INTS2: variants seen among roughly 807,000 people sequenced by gnomAD.
The protein encoded by INTS2 is KIAA1287.
In INTS2, 57 loss-of-function variants were observed where a neutral mutation model predicts 139.6. That is an observed-to-expected ratio of 0.41 (90% CI 0.33 to 0.51). The LOEUF (loss-of-function observed/expected upper bound fraction) is 0.51. Among genes scored for constraint, INTS2 ranks in the 20% least tolerant of loss-of-function variants. The probability of loss-of-function intolerance (pLI) is 0.28; values close to 1 mark genes in which losing one functional copy is unlikely to be tolerated. For synonymous variants in INTS2, 473 were observed against 493.4 expected, an observed-to-expected ratio of 0.96 and a Z score of 0.55; for missense variants, 1,196 against 1,436.7, an observed-to-expected ratio of 0.83 and a Z score of 2.71.
chr17:61,898,022 T>C (rs1490588008), intron 9 of INTS2, among the ~76,000 whole-genome samples: 1 of 152,116 alleles, frequency 6.6e-6, no homozygotes, highest in Non-Finnish European at 1.5e-5. Context: ...TCACATTCCT[T>C]AGAAAACAAA....
At position 61,870,800 on chromosome 17, in the gene INTS2, TA is replaced by T. The variant is rs1418945054; in HGVS notation, c.2779-813del. On this transcript the variant is annotated intron_variant, in intron 20 of 24. Coordinates refer to ENST00000251334, the MANE Select transcript of INTS2 (RefSeq NM_001351695.2). The surrounding 1 kb of genome is among the most constrained non-coding windows in gnomAD (Gnocchi z 4.4). The stretch of plus-strand genomic sequence containing the variant: ...AGGAGTTTTTGGTTATTGTTATTGT[TA>T]TTGTTTTGTTTTCTTTTGTTGTTGT... Among the ~76,000 whole-genome samples the T allele has an allele frequency of 6.6e-6, 1 of 152,132 alleles. No individual in the cohort carries two copies. The highest frequency in any genetic ancestry group is 1.5e-5 in the Non-Finnish European group (1 of 68,006).
chr17:61,895,517 G>A (rs2079338359), intron 11 of INTS2, 134 bp from the exon 12 acceptor site: 1 of 505,316 alleles, frequency 2.0e-6, no homozygotes, highest in Non-Finnish European at 3.5e-6. Context: ...TTTTAGAAGT[G>A]CTTTCCCAAA....
intron 4 of INTS2, among the ~76,000 whole-genome samples, chr17:61,919,925 C>T (rs2079621845): frequency 6.6e-6 from 1 of 152,088 alleles, no homozygotes; most frequent in Admixed American, 6.6e-5. Flanking sequence ...TATTAAATAT[C>T]TTTTGACATT....
Position 61,868,753 on chromosome 17 carries a change from T to C in INTS2, c.3244+281A>G, listed in dbSNP as rs1350604585. On this transcript the variant is annotated intron_variant, in intron 23 of 24. Transcript: ENST00000251334. The surrounding 1 kb of genome is among the most constrained non-coding windows in gnomAD (Gnocchi z 4.7). Reference sequence around the variant, plus strand: ...GTGTATTTGTTTTCCATTTATAAAATACAGAAAGCTTATATTTACAAATCT... The same window carrying C: ...GTGTATTTGTTTTCCATTTATAAAACACAGAAAGCTTATATTTACAAATCT... Among the ~76,000 whole-genome samples the C allele has an allele frequency of 1.3e-5, 2 of 152,134 alleles. No individual in the cohort carries two copies. Among genetic ancestry groups the C allele is most frequent in the African/African-American group, 4.8e-5 (2 of 41,448 alleles).
chr17:61,921,762 C>T lies in INTS2; in HGVS notation c.498G>A (p.Leu166=), dbSNP rs1276388281. 6.2e-7 allele frequency: 1 copy of T among 1,606,062 alleles called. No homozygotes were observed. Residue 166 remains leucine, a synonymous_variant, in exon 4 of 25, where the codon TTG becomes TTA. Transcript: ENST00000251334. ...SSELFESPVY[L]EEAADVLCIL... is the part of the protein sequence containing the mutation. ...TACAAAGTACATCTGCAGCTTCCTC[C>T]AAATATACTGGACTCTCAAAAAGTT... is the stretch of plus-strand genomic sequence containing the variant.
intron 7 of INTS2, 52 bp downstream of exon 7, chr17:61,911,468 G>A: frequency 6.9e-7 from 1 of 1,456,432 alleles, no homozygotes; most frequent in Non-Finnish European, 9.3e-7. Flanking sequence ...TTCTCTTTTA[G>A]CAGCTGCTAA....
intron 19 of INTS2, among the ~76,000 whole-genome samples, chr17:61,874,527 T>G (rs1187741987): frequency 6.6e-6 from 1 of 152,230 alleles, no homozygotes; most frequent in Non-Finnish European, 1.5e-5. Context: ...ACATCACTAT[T>G]GTGCATGCCA....
rs562536459 is a variant in INTS2, at chr17:61,875,256, C to T, written c.2457-218G>A. ...AGTAAACACAAAGTAGTTTCAGAAA[C>T]GTTCACAGTTGTAATGGAATAATCA... On this transcript the variant is annotated intron_variant, in intron 18 of 24. Transcript: ENST00000251334. The surrounding 1 kb of genome is among the most constrained non-coding windows in gnomAD (Gnocchi z 4.6). Among the ~76,000 whole-genome samples, 23 of 152,002 alleles carry T rather than the reference C, an allele frequency of 1.5e-4. No individual in the cohort carries two copies. Among genetic ancestry groups the T allele is most frequent in the Non-Finnish European group, 2.9e-4 (20 of 67,978 alleles).
intron 8 of INTS2, among the ~76,000 whole-genome samples, chr17:61,906,578 T>C (rs1365726430): frequency 6.6e-6 from 1 of 152,158 alleles, no homozygotes; most frequent in Non-Finnish European, 1.5e-5. Flanking sequence ...AGACCAGCAT[T>C]ATTTAAATAA....
intron 9 of INTS2, among the ~76,000 whole-genome samples, chr17:61,899,252 G>C (rs2079380199): frequency 6.6e-6 from 1 of 151,776 alleles, no homozygotes; most frequent in Non-Finnish European, 1.5e-5. Flanking sequence ...CAAATGTTAA[G>C]AACTTTTTTT....
In INTS2 at chr17:61,927,755, G is replaced by A; in HGVS notation, c.-120C>T. ...GAGCGCGGTCCGATGTTGGGCCTAG[G>A]CGATATCCGGAACCCCAAACCCTAG... On this transcript the variant is annotated 5_prime_UTR_variant, in exon 1 of 25. Coordinates refer to ENST00000251334, the MANE Select transcript of INTS2 (RefSeq NM_001351695.2). The A allele has an allele frequency of 6.5e-7, 1 of 1,533,460 alleles. No homozygotes were observed. Among genetic ancestry groups the A allele is most frequent in the South Asian group, 1.3e-5 (1 of 79,462 alleles). The allele number at this position is 1,533,460 out of a possible 1,614,324, so 95.0% of individuals were successfully genotyped here. A position where few individuals can be genotyped will look rare whatever the true frequency, so the allele number is the denominator to read the frequency against.
In INTS2 at chr17:61,904,454, A is replaced by G. The variant is rs751533853; in HGVS notation, c.1307+6T>C. The G allele has an allele frequency of 1.9e-6, 3 of 1,586,974 alleles. No individual in the cohort carries two copies. The Admixed American group carries it at 5.2e-5, about 28-fold the overall frequency. ...AGAAAATGGAGCAACTTATATAGTT[A>G]GGTACCTGACAAGTGTAGAAAAGGC... On this transcript the variant is annotated splice_donor_region_variant and intron_variant, in intron 9 of 24. Transcript: ENST00000251334.
chr17:61,903,276 G>A (rs186811610), intron 9 of INTS2, among the ~76,000 whole-genome samples: 9 of 146,582 alleles, frequency 6.1e-5, no homozygotes, highest in East Asian at 4.2e-4. Context: ...AGCTGGCCTC[G>A]AACTCATAGC....
intron 8 of INTS2, among the ~76,000 whole-genome samples, chr17:61,906,963 C>CAAAAAAAAAAAAAAAAAAAAAAAAAAA (rs34773307): frequency 1.2e-5 from 1 of 80,206 alleles, no homozygotes; most frequent in Non-Finnish European, 2.4e-5. Context: ...GATTCCATCT[C>CAAAAAAAAAAAAAAAAAAAAAAAAAAA]AAAAAAAAAA....
chr17:61,908,877 T>C (rs925897339), intron 7 of INTS2, among the ~76,000 whole-genome samples: 1 of 147,438 alleles, frequency 6.8e-6, no homozygotes, highest in African/African-American at 2.4e-5. Context: ...TATGATTCAG[T>C]AGCTTAAAAA....
In INTS2 at chr17:61,926,622, T is replaced by A. The variant is rs770681686; in HGVS notation, c.23A>T (p.Gln8Leu). Residue 8 changes from glutamine (Q) to leucine (L), a missense_variant, in exon 2 of 25, where the codon CAG becomes CTG. By Grantham distance (113) the Gln-to-Leu change is moderately radical (BLOSUM62 -2). Coordinates refer to ENST00000251334, the MANE Select transcript of INTS2 (RefSeq NM_001351695.2). MTECTSLQFVSPFAFEAM... is the reference protein window; with the variant it reads MTECTSLLFVSPFAFEAM... Reference sequence around the variant, plus strand: ...CTCAAAAGCAAAAGGGCTGACAAACTGAAGACTTGTACATTCAGTCATTAT... The same window carrying A: ...CTCAAAAGCAAAAGGGCTGACAAACAGAAGACTTGTACATTCAGTCATTAT... 6.2e-6 allele frequency: 10 copies of A among 1,610,800 alleles called. No homozygotes were observed. The Middle Eastern group carries it at 9.9e-4, about 159-fold the overall frequency.
At chr17:61,887,843 A>G (rs1369100626) in intron 15 of INTS2, among the ~76,000 whole-genome samples, 3 of 151,968 alleles carry the variant, frequency 2.0e-5, no homozygotes, top group Non-Finnish European at 2.9e-5. Flanking sequence ...ACTTGAGGTC[A>G]GGAGTTCGAG....
rs781292932 is a variant in INTS2, at chr17:61,926,598, T to C, written c.47A>G (p.Glu16Gly). The change falls in exon 2 of 25, where the codon GAG becomes GGG. Residue 16 changes from glutamate to glycine, a missense_variant. Glu to Gly is a moderately conservative substitution (Grantham distance 98, BLOSUM62 -2). Transcript: ENST00000251334. ...SLQFVSPFAFEAMQKVDVVCL... is the reference protein window; with the variant it reads ...SLQFVSPFAFGAMQKVDVVCL... Reference sequence around the variant, plus strand: ...AACAACATCCACCTTCTGCATTGCCTCAAAAGCAAAAGGGCTGACAAACTG... The same window carrying C: ...AACAACATCCACCTTCTGCATTGCCCCAAAAGCAAAAGGGCTGACAAACTG... The C allele has an allele frequency of 1.3e-5, 21 of 1,612,370 alleles. 1 individual carries two copies. In the South Asian group the frequency reaches 2.2e-4, roughly 17 times the overall value.
rs1286148870 is a variant in INTS2, at chr17:61,871,561, T to A, written c.2778+704A>T. On this transcript the variant is annotated intron_variant, in intron 20 of 24. Coordinates refer to ENST00000251334, the MANE Select transcript of INTS2 (RefSeq NM_001351695.2). This position sits in a 1 kb window ranked among gnomAD's most constrained non-coding sequence, Gnocchi z 4.9. ...CATTTGATCTTAAGAAACAAATAAC[T>A]AAGGATTTTGTCTTCTTCACCACTC... Among the ~76,000 whole-genome samples the A allele has an allele frequency of 6.6e-6, 1 of 152,224 alleles. No homozygotes were observed. The highest frequency in any genetic ancestry group is 1.5e-5 in the Non-Finnish European group (1 of 68,024).
Sources: gnomAD v4.1 joint callset for allele counts (sites outside exome capture counted in the v4.1 genomes callset) on GRCh38, gnomAD v4.1.1 for gene constraint, Gnocchi (gnomAD v3.1) non-coding constraint, MANE v1.5 for transcripts, NCBI Gene and HGNC (gene_info 2026-07-23, HGNC 2026-07-21) for gene names.